Variants in PRKG1 observed in about 807,000 individuals in gnomAD.
PRKG1 encodes the protein protein kinase cGMP-dependent 1.
A neutral mutation model predicts 88.1 loss-of-function variants in PRKG1; 35 were observed. That is an observed-to-expected ratio of 0.40 (90% CI 0.30 to 0.53). PRKG1 has a LOEUF of 0.53. Among genes scored for constraint, PRKG1 ranks in the 20% least tolerant of loss-of-function variants. PRKG1 has a pLI of 0.59. For synonymous variants in PRKG1, 303 were observed against 292.5 expected (o/e 1.04, Z -0.37); for missense variants, 540 against 839.8 (o/e 0.64, Z 4.41).
chr10:51,739,320 T>C lies in PRKG1; in HGVS notation c.593-65265T>C, dbSNP rs545856024. ...AGATTTGCTTCCCAAAACTCCTAGC[T>C]ATATTTCCCTCCTAATGTCAAACCT... On this transcript the variant is annotated intron_variant, in intron 3 of 17. Transcript: ENST00000373980. Among the ~76,000 whole-genome samples the C allele has an allele frequency of 2.0e-5, 3 of 152,256 alleles. No homozygotes were observed. The South Asian group carries it at 6.2e-4, about 32-fold the overall frequency.
At chr10:51,310,013 G>T (rs539124256) in intron 2 of PRKG1, among the ~76,000 whole-genome samples, 10 of 152,242 alleles carry the variant, frequency 6.6e-5, no homozygotes, top group African/African-American at 2.4e-4. Context: ...AATACTGTGC[G>T]TTCTCACTTA....
At chr10:51,525,777 C>A (rs1471304432) in intron 3 of PRKG1, among the ~76,000 whole-genome samples, 2 of 151,450 alleles carry the variant, frequency 1.3e-5, no homozygotes, top group African/African-American at 2.4e-5. Flanking sequence ...CTACCACCAA[C>A]CTTAATGTTT....
At chr10:52,102,271 C>T (rs1266508910) in intron 7 of PRKG1, among the ~76,000 whole-genome samples, 4 of 152,074 alleles carry the variant, frequency 2.6e-5, no homozygotes, top group African/African-American at 7.2e-5. Context: ...CATATGGTTT[C>T]CTTGCCCCAA....
chr10:52,069,364 C>G (rs11000686), intron 7 of PRKG1, among the ~76,000 whole-genome samples: 26,302 of 152,026 alleles, frequency 0.17, 2,884 homozygotes, highest in South Asian at 0.28. Context: ...AACACTGTCT[C>G]TACTAAAAAT....
At chr10:51,444,907 G>A (rs757801263) in intron 2 of PRKG1, among the ~76,000 whole-genome samples, 7 of 151,890 alleles carry the variant, frequency 4.6e-5, no homozygotes, top group Non-Finnish European at 1.0e-4. Flanking sequence ...AACTGAGCGG[G>A]CGGAATCTTG....
At chr10:51,724,148 C>A (rs956868871) in intron 3 of PRKG1, among the ~76,000 whole-genome samples, 1 of 152,132 alleles carries the variant, frequency 6.6e-6, no homozygotes, top group Admixed American at 6.5e-5. Flanking sequence ...TACAAGAAAT[C>A]TCCCCTGCCA....
intron 4 of PRKG1, among the ~76,000 whole-genome samples, chr10:51,875,109 G>T (rs1841260603): frequency 6.6e-6 from 1 of 152,036 alleles, no homozygotes; most frequent in Non-Finnish European, 1.5e-5. Context: ...ACAACATAAA[G>T]TAGTAGTACC....
chr10:51,298,091 C>G (rs1236554356), intron 2 of PRKG1, among the ~76,000 whole-genome samples: 1 of 152,082 alleles, frequency 6.6e-6, no homozygotes, highest in Non-Finnish European at 1.5e-5. Flanking sequence ...ATACATTTTA[C>G]ATGAATTATC....
intron 9 of PRKG1, among the ~76,000 whole-genome samples, chr10:52,180,145 T>A (rs551147192): frequency 6.6e-6 from 1 of 152,334 alleles, no homozygotes; most frequent in Admixed American, 6.5e-5. Flanking sequence ...CCTGCGTTAT[T>A]CAAAAGAGCT....
rs1208818719 is a variant in PRKG1, at chr10:50,991,715, G to A, written c.266+71G>A. The A allele has an allele frequency of 1.8e-6, 2 of 1,109,764 alleles. No individual in the cohort carries two copies. The allele number at this position is 1,109,764 out of a possible 1,614,324, so 68.7% of individuals were successfully genotyped here. ...CGCAGAGGCTGGGGGCTCTGGCCGC[G>A]GCGGCGGGGGCGGGTCGGCCCAGGG... On this transcript the variant is annotated intron_variant, in intron 1 of 17. Transcript: ENST00000401604. The surrounding 1 kb of genome is among the most constrained non-coding windows in gnomAD (Gnocchi z 4.5).
intron 17 of PRKG1, among the ~76,000 whole-genome samples, 169 bp from the exon 18 acceptor site, chr10:52,293,633 A>C (rs1461695066): frequency 6.6e-6 from 1 of 152,146 alleles, no homozygotes; most frequent in African/African-American, 2.4e-5. Flanking sequence ...TCCAAGGATA[A>C]GAACCATGTC....
At chr10:52,290,074 G>T in intron 16 of PRKG1, 150 bp from the exon 17 acceptor site, 1 of 579,516 alleles carries the variant, frequency 1.7e-6, no homozygotes, top group Non-Finnish European at 3.0e-6. Context: ...TAAACTATTA[G>T]GAAAACATAT....
intron 2 of PRKG1, among the ~76,000 whole-genome samples, chr10:51,363,454 G>A (rs1319379375): frequency 6.6e-6 from 1 of 151,844 alleles, no homozygotes; most frequent in Non-Finnish European, 1.5e-5. Context: ...CAAATATAGA[G>A]AGAAGGAAAA....
At chr10:51,355,932 G>T (rs892773879) in intron 2 of PRKG1, among the ~76,000 whole-genome samples, 2 of 151,906 alleles carry the variant, frequency 1.3e-5, no homozygotes, top group Non-Finnish European at 2.9e-5. Context: ...GATTCTTTCT[G>T]CAGGAAAAAG....
At chr10:51,719,024 C>A (rs1383984095) in intron 3 of PRKG1, among the ~76,000 whole-genome samples, 1 of 152,030 alleles carries the variant, frequency 6.6e-6, no homozygotes. Flanking sequence ...CAAGTGCCTG[C>A]AGTCCTAGCT....
At chr10:51,071,287 C>T (rs1843823296), upstream of PRKG1, among the ~76,000 whole-genome samples, 1 of 152,076 alleles carries the variant, frequency 6.6e-6, no homozygotes, top group Non-Finnish European at 1.5e-5. Flanking sequence ...AACAGCTGGT[C>T]AAAAGCATCA....
At chr10:51,340,858 G>C (rs1352126598) in intron 2 of PRKG1, among the ~76,000 whole-genome samples, 1 of 152,120 alleles carries the variant, frequency 6.6e-6, no homozygotes, top group African/African-American at 2.4e-5. Flanking sequence ...GGGGCAGATG[G>C]GGTAAGAGGG....
At position 52,064,101 on chromosome 10, in the gene PRKG1, G is replaced by T. The variant is rs114689858; in HGVS notation, c.935+1470G>T. Reference sequence around the variant, plus strand: ...TGGGGCCTTAATGGGGATCCACCACGTTTCTGCCCAGGAACCTGTCTGCCT... The same window carrying T: ...TGGGGCCTTAATGGGGATCCACCACTTTTCTGCCCAGGAACCTGTCTGCCT... On this transcript the variant is annotated intron_variant, in intron 7 of 17. Coordinates refer to ENST00000373980, the MANE Select transcript of PRKG1 (RefSeq NM_006258.4). Among the ~76,000 whole-genome samples the T allele has an allele frequency of 2.0e-5, 3 of 152,158 alleles. No individual in the cohort carries two copies. In the East Asian group the frequency reaches 5.8e-4, roughly 29 times the overall value.
At chr10:51,421,681 T>C (rs17602480) in intron 2 of PRKG1, among the ~76,000 whole-genome samples, 2,289 of 152,292 alleles carry the variant, frequency 0.015, 31 homozygotes, top group Non-Finnish European at 0.022. Context: ...CAGAGCATCA[T>C]GTCATAATGT....
Sources: gnomAD v4.1 joint callset for allele counts (sites outside exome capture counted in the v4.1 genomes callset) on GRCh38, gnomAD v4.1.1 for gene constraint, Gnocchi (gnomAD v3.1) non-coding constraint, MANE v1.5 for transcripts, NCBI Gene and HGNC (gene_info 2026-07-23, HGNC 2026-07-21) for gene names.